NDST3: variants seen among roughly 807,000 people sequenced by gnomAD.
NDST3 encodes the protein N-deacetylase and N-sulfotransferase 3.
NDST3 carries 58 observed loss-of-function variants against 96.1 expected under a neutral mutation model. The ratio of observed to expected loss-of-function variants is 0.60; its 90% CI spans 0.49 to 0.75. NDST3 has a LOEUF of 0.75. Among genes scored for constraint, NDST3 ranks in the 30% least tolerant of loss-of-function variants. The probability of loss-of-function intolerance (pLI) is 0.00; values close to 1 mark genes in which losing one functional copy is unlikely to be tolerated. For missense variants in NDST3, 788 were observed against 1,034.2 expected, an observed-to-expected ratio of 0.76 and a Z score of 3.27; for synonymous variants, 333 against 359.7, an observed-to-expected ratio of 0.93 and a Z score of 0.84.
At chr4:118,240,999 C>T (rs1253679536) in intron 11 of NDST3, among the ~76,000 whole-genome samples, 1 of 152,166 alleles carries the variant, frequency 6.6e-6, no homozygotes, top group Non-Finnish European at 1.5e-5. Flanking sequence ...CTTAACCAAA[C>T]AAGACAAATA....
At chr4:118,116,471 A>T (rs1403778122) in intron 4 of NDST3, among the ~76,000 whole-genome samples, 1 of 152,204 alleles carries the variant, frequency 6.6e-6, no homozygotes, top group Non-Finnish European at 1.5e-5. Context: ...TGAAAACTAG[A>T]ATAGTATCTA....
At chr4:118,194,497 G>A in intron 6 of NDST3, 2 of 721,076 alleles carry the variant, frequency 2.8e-6, no homozygotes, top group Non-Finnish European at 5.2e-6. Context: ...AAGCCTTGTT[G>A]ACCTCCCCTT....
At chr4:118,045,963 G>C (rs1046783882) in intron 1 of NDST3, among the ~76,000 whole-genome samples, 2 of 151,810 alleles carry the variant, frequency 1.3e-5, no homozygotes, top group Non-Finnish European at 2.9e-5. Flanking sequence ...ATTCCAGAGG[G>C]GGAAGGCAAG....
chr4:118,236,031 A>G (rs1236910411), intron 9 of NDST3, among the ~76,000 whole-genome samples: 2 of 152,008 alleles, frequency 1.3e-5, no homozygotes, highest in Non-Finnish European at 2.9e-5. Context: ...AAAACAAGAC[A>G]CTGTAAAAAA....
chr4:118,116,987 T>C (rs1488747868), intron 4 of NDST3, among the ~76,000 whole-genome samples: 1 of 152,136 alleles, frequency 6.6e-6, no homozygotes, highest in African/African-American at 2.4e-5. Flanking sequence ...AAAAACAATA[T>C]CTGGTCATTC....
chr4:118,115,739 AC>A (rs1731032313), intron 4 of NDST3, among the ~76,000 whole-genome samples: 2 of 152,106 alleles, frequency 1.3e-5, no homozygotes, highest in South Asian at 4.1e-4. Flanking sequence ...ATGGTTTTCT[AC>A]ACCAACTGTT....
chr4:118,083,940 A>C (rs1350328276), intron 2 of NDST3, among the ~76,000 whole-genome samples: 1 of 152,184 alleles, frequency 6.6e-6, no homozygotes, highest in African/African-American at 2.4e-5. Flanking sequence ...TGTGACAGAA[A>C]ATCCTCTCTA....
intron 6 of NDST3, among the ~76,000 whole-genome samples, chr4:118,201,716 C>T (rs1390669667): frequency 2.0e-5 from 3 of 151,532 alleles, no homozygotes; most frequent in Non-Finnish European, 4.4e-5. Context: ...TTGCAGATAT[C>T]GTCTCTCATT....
At chr4:118,234,954 T>C (rs954058753) in intron 9 of NDST3, among the ~76,000 whole-genome samples, 2 of 150,662 alleles carry the variant, frequency 1.3e-5, no homozygotes, top group Non-Finnish European at 3.0e-5. Flanking sequence ...CACTTGAACC[T>C]GGGAGGCAGA....
chr4:118,122,321 G>C (rs1731663229), intron 4 of NDST3, among the ~76,000 whole-genome samples: 1 of 152,146 alleles, frequency 6.6e-6, no homozygotes, highest in Non-Finnish European at 1.5e-5. Context: ...ATTTACTTAA[G>C]ATGGAGGGGG....
intron 6 of NDST3, among the ~76,000 whole-genome samples, chr4:118,215,272 T>C (rs1739118429): frequency 6.6e-6 from 1 of 151,856 alleles, no homozygotes; most frequent in Non-Finnish European, 1.5e-5. Context: ...AAAATATAGA[T>C]AGAGGAGAAC....
intron 4 of NDST3, among the ~76,000 whole-genome samples, chr4:118,128,580 T>G (rs954275470): frequency 6.6e-6 from 1 of 152,016 alleles, no homozygotes; most frequent in Admixed American, 6.6e-5. Context: ...TTGTTGGATT[T>G]GCATTGTTAG....
At chr4:118,146,136 C>G (rs1733926846) in intron 6 of NDST3, among the ~76,000 whole-genome samples, 1 of 152,146 alleles carries the variant, frequency 6.6e-6, no homozygotes, top group Non-Finnish European at 1.5e-5. Context: ...AGTAATTTAG[C>G]AGATGACATT....
chr4:118,187,039 G>A lies in NDST3; in HGVS notation c.1540-37452G>A, dbSNP rs1382944915. Among the ~76,000 whole-genome samples, 6 of 152,272 alleles carry A rather than the reference G, an allele frequency of 3.9e-5. No individual in the cohort carries two copies. In the East Asian group the frequency reaches 1.2e-3, roughly 29 times the overall value. On this transcript the variant is annotated intron_variant, in intron 6 of 13. Coordinates refer to ENST00000296499, the MANE Select transcript of NDST3 (RefSeq NM_004784.3). ...GTTTGGAGTATGCTTTTTAGCCAGAGTCCCCATGAACCAATCCAACTACAA... is the reference window on the plus strand; with the variant it reads ...GTTTGGAGTATGCTTTTTAGCCAGAATCCCCATGAACCAATCCAACTACAA...
At chr4:118,146,667 T>C (rs1733971033) in intron 6 of NDST3, among the ~76,000 whole-genome samples, 1 of 152,188 alleles carries the variant, frequency 6.6e-6, no homozygotes, top group Admixed American at 6.5e-5. Flanking sequence ...AAATAGAGAA[T>C]TACAAAGACA....
intron 1 of NDST3, among the ~76,000 whole-genome samples, chr4:118,042,442 T>C (rs1165916091): frequency 1.3e-5 from 2 of 152,186 alleles, no homozygotes; most frequent in African/African-American, 2.4e-5. Context: ...CTCTGCACAG[T>C]GTGGCATGTT....
chr4:118,256,572 G>C lies in NDST3; in HGVS notation c.*860G>C, dbSNP rs1372151316. On this transcript the variant is annotated 3_prime_UTR_variant, in exon 14 of 14. Transcript: ENST00000296499. ...ATTCTATGTCCACTTGCTGTAAGCT[G>C]TGAATCTATCCCAGTAGTCCTCACT... The C allele has an allele frequency of 1.3e-5, 2 of 152,182 alleles. No individual in the cohort carries two copies. The highest frequency in any genetic ancestry group is 4.8e-5 in the African/African-American group (2 of 41,454). The allele number at this position is 152,182 out of a possible 1,614,324, so 9.4% of individuals were successfully genotyped here. A position where few individuals can be genotyped will look rare whatever the true frequency, so the allele number is the denominator to read the frequency against.
chr4:118,118,379 A>C (rs147770878), intron 4 of NDST3, among the ~76,000 whole-genome samples: 1 of 152,224 alleles, frequency 6.6e-6, no homozygotes, highest in Admixed American at 6.5e-5. Context: ...GAGGACATTT[A>C]AAGTACCCTT....
intron 6 of NDST3, among the ~76,000 whole-genome samples, chr4:118,174,082 C>T (rs1176662449): frequency 1.3e-5 from 2 of 151,414 alleles, no homozygotes; most frequent in Non-Finnish European, 1.5e-5. Context: ...AAATTGAATG[C>T]TGCGCTTTGT....
Sources: gnomAD v4.1 joint callset for allele counts (sites outside exome capture counted in the v4.1 genomes callset) on GRCh38, gnomAD v4.1.1 for gene constraint, MANE v1.5 for transcripts, NCBI Gene and HGNC (gene_info 2026-07-23, HGNC 2026-07-21) for gene names.